ADGRB3: variants seen among roughly 807,000 people sequenced by gnomAD.
ADGRB3 encodes adhesion G protein-coupled receptor B3.
Under a neutral mutation model 193.4 loss-of-function variants are expected in ADGRB3, and 37 were observed. The observed-to-expected ratio is 0.19, with a 90% CI of 0.15 to 0.25. ADGRB3 has a LOEUF of 0.25. Ranked by LOEUF, ADGRB3 falls within the 10% of genes least tolerant of loss-of-function variation. The pLI is 1.00. For missense variants in ADGRB3, 1,637 were observed against 1,852.9 expected (o/e 0.88, Z 2.14); for synonymous variants, 690 against 644.2 (o/e 1.07, Z -1.08).
intron 3 of ADGRB3, among the ~76,000 whole-genome samples, chr6:68,787,296 T>C (rs946578423): frequency 6.6e-6 from 1 of 152,206 alleles, no homozygotes; most frequent in Admixed American, 6.5e-5. Context: ...GGGTTTGTCA[T>C]AGATCGCTCT....
intron 8 of ADGRB3, among the ~76,000 whole-genome samples, chr6:68,965,010 C>T (rs1329372112): frequency 6.6e-6 from 1 of 152,170 alleles, no homozygotes; most frequent in East Asian, 1.9e-4. Flanking sequence ...TCAGGCTAAA[C>T]ACTAAACACT....
intron 17 of ADGRB3, among the ~76,000 whole-genome samples, chr6:69,119,475 A>G (rs1384360762): frequency 6.6e-6 from 1 of 152,238 alleles, no homozygotes; most frequent in Non-Finnish European, 1.5e-5. Flanking sequence ...TGTGCTTTGA[A>G]AAAATAAAAA....
At chr6:69,263,688 G>T (rs1309511967) in intron 20 of ADGRB3, among the ~76,000 whole-genome samples, 1 of 151,938 alleles carries the variant, frequency 6.6e-6, no homozygotes, top group African/African-American at 2.4e-5. Context: ...GATTAATTTG[G>T]GGAGGCTTCA....
intron 20 of ADGRB3, among the ~76,000 whole-genome samples, chr6:69,273,151 T>C (rs1767217632): frequency 6.6e-6 from 1 of 152,202 alleles, no homozygotes; most frequent in African/African-American, 2.4e-5. Flanking sequence ...TCCGCCCGCC[T>C]TGGCCTCCCA....
At chr6:68,927,416 A>G (rs1767211537) in intron 3 of ADGRB3, among the ~76,000 whole-genome samples, 1 of 152,150 alleles carries the variant, frequency 6.6e-6, no homozygotes, top group Admixed American at 6.6e-5. Flanking sequence ...AATAATAGCA[A>G]AAATAATTGG....
At chr6:68,737,310 C>T (rs11969579) in intron 3 of ADGRB3, among the ~76,000 whole-genome samples, 4,888 of 152,102 alleles carry the variant, frequency 0.032, 251 homozygotes, top group African/African-American at 0.11. Context: ...GGAAAAAAGA[C>T]ATTCTTTTTT....
intron 4 of ADGRB3, among the ~76,000 whole-genome samples, chr6:68,931,008 A>G (rs992340349): frequency 1.3e-5 from 2 of 152,086 alleles, no homozygotes; most frequent in African/African-American, 4.8e-5. Flanking sequence ...TTCAAAAATT[A>G]GAACTTTAAA....
At chr6:68,771,825 G>A (rs796269714) in intron 3 of ADGRB3, among the ~76,000 whole-genome samples, 6 of 152,168 alleles carry the variant, frequency 3.9e-5, no homozygotes, top group African/African-American at 1.2e-4. Flanking sequence ...GCAAGGGGAA[G>A]GAAAGGTTGC....
intron 17 of ADGRB3, among the ~76,000 whole-genome samples, chr6:69,089,145 A>G (rs1772634144): frequency 6.6e-6 from 1 of 152,242 alleles, no homozygotes; most frequent in Non-Finnish European, 1.5e-5. Context: ...AATGCTCAGT[A>G]AAGTCATTTA....
At chr6:68,817,341 AT>A in intron 3 of ADGRB3, among the ~76,000 whole-genome samples, 2 of 107,998 alleles carry the variant, frequency 1.9e-5, no homozygotes, top group African/African-American at 1.0e-4. Flanking sequence ...ATATATATAT[AT>A]ATATATATAT....
chr6:68,693,706 T>C (rs1765114198), intron 3 of ADGRB3, among the ~76,000 whole-genome samples: 1 of 152,002 alleles, frequency 6.6e-6, no homozygotes, highest in Non-Finnish European at 1.5e-5. Context: ...ACCAACCAAA[T>C]GAAATGAGTG....
chr6:68,955,379 G>A (rs1022095602), intron 6 of ADGRB3, among the ~76,000 whole-genome samples: 2 of 152,170 alleles, frequency 1.3e-5, no homozygotes, highest in Non-Finnish European at 2.9e-5. Context: ...ATATGAGCTC[G>A]ATAAGGTCTT....
At chr6:69,047,414 TAAA>T (rs1399671054) in intron 13 of ADGRB3, among the ~76,000 whole-genome samples, 1 of 150,288 alleles carries the variant, frequency 6.7e-6, no homozygotes, top group Non-Finnish European at 1.5e-5. Context: ...TTAAATATAA[TAAA>T]ATATATTAAA....
chr6:68,766,290 C>T (rs983325417), intron 3 of ADGRB3, among the ~76,000 whole-genome samples: 1 of 151,804 alleles, frequency 6.6e-6, no homozygotes, highest in Non-Finnish European at 1.5e-5. Flanking sequence ...ATGTTTTCTA[C>T]TAAATGATTT....
intron 3 of ADGRB3, among the ~76,000 whole-genome samples, chr6:68,905,756 G>T (rs1224930883): frequency 1.3e-5 from 2 of 152,056 alleles, no homozygotes; most frequent in African/African-American, 4.8e-5. Flanking sequence ...TGCAAATTAG[G>T]TTAAAAAGTT....
intron 17 of ADGRB3, among the ~76,000 whole-genome samples, chr6:69,161,738 C>A (rs1334976847): frequency 6.6e-6 from 1 of 152,048 alleles, no homozygotes; most frequent in Non-Finnish European, 1.5e-5. Flanking sequence ...TACTTTCAAT[C>A]CCTCATGACG....
chr6:69,172,147 C>G (rs1775286432), intron 17 of ADGRB3, among the ~76,000 whole-genome samples: 1 of 152,172 alleles, frequency 6.6e-6, no homozygotes, highest in Non-Finnish European at 1.5e-5. Flanking sequence ...CTTTGACCAC[C>G]TATCCCCCAC....
intron 10 of ADGRB3, among the ~76,000 whole-genome samples, chr6:68,989,086 A>G (rs1562112249): frequency 6.6e-6 from 1 of 152,202 alleles, no homozygotes; most frequent in African/African-American, 2.4e-5. Context: ...CCCAAAAGAT[A>G]AATATATCCC....
chr6:68,707,101 A>G (rs1322289905), intron 3 of ADGRB3, among the ~76,000 whole-genome samples: 1 of 118,884 alleles, frequency 8.4e-6, no homozygotes. Flanking sequence ...ACAGAGCCAG[A>G]CTCCATCTCA....
Sources: gnomAD v4.1 joint callset for allele counts (sites outside exome capture counted in the v4.1 genomes callset) on GRCh38, gnomAD v4.1.1 for gene constraint, MANE v1.5 for transcripts, NCBI Gene and HGNC (gene_info 2026-07-23, HGNC 2026-07-21) for gene names.